Variants in GSE1 observed in about 807,000 individuals in gnomAD.
GSE1 encodes the protein Gse1 coiled-coil protein, also known as genetic suppressor element 1.
GSE1 carries 32 observed loss-of-function variants against 112.6 expected under a neutral mutation model. The observed-to-expected ratio is 0.28, with a 90% CI of 0.21 to 0.38. GSE1 has a LOEUF of 0.38. Among genes scored for constraint, GSE1 ranks in the 10% least tolerant of loss-of-function variants. The probability of loss-of-function intolerance (pLI) is 1.00; values close to 1 mark genes in which losing one functional copy is unlikely to be tolerated. For synonymous variants in GSE1, 1,115 were observed against 735.6 expected (o/e 1.52, Z -8.35); for missense variants, 2,348 against 1,699.2 (o/e 1.38, Z -6.71).
rs769749012 is a variant in GSE1 at position 85,657,305 on chromosome 16, G to T, written c.1341G>T (p.Ala447=). The change falls in exon 8 of 16, where the codon GCG becomes GCT. Residue 447 remains alanine, a synonymous_variant. Transcript: ENST00000253458. ...AEKLKDAGLQ[A]PKPVQHPLHP... is the part of the protein sequence containing the mutation. The stretch of plus-strand genomic sequence containing the variant: ...AGCTGAAGGATGCCGGCCTGCAGGC[G>T]CCCAAGCCCGTCCAACACCCCTTGC... The T allele has an allele frequency of 6.3e-7, 1 of 1,583,638 alleles. No individual in the cohort carries two copies. Among genetic ancestry groups the T allele is most frequent in the South Asian group, 1.2e-5 (1 of 86,776 alleles).
chr16:85,241,865 C>G (rs948925128), intron 1 of GSE1, among the ~76,000 whole-genome samples: 6 of 152,052 alleles, frequency 3.9e-5, no homozygotes, highest in Admixed American at 1.3e-4. Context: ...ACAATAGACC[C>G]CCTCCCCGGG....
At chr16:85,513,061 T>C (rs935341140) in intron 2 of GSE1, among the ~76,000 whole-genome samples, 6 of 152,238 alleles carry the variant, frequency 3.9e-5, no homozygotes, top group African/African-American at 1.4e-4. Flanking sequence ...ACAGCCTGAG[T>C]TTTGAGCCCT....
intron 1 of GSE1, among the ~76,000 whole-genome samples, chr16:85,180,389 C>T (rs898354729): frequency 2.0e-5 from 3 of 152,232 alleles, no homozygotes; most frequent in Admixed American, 1.3e-4. Flanking sequence ...CGCTATCCTG[C>T]CCATCATTAG....
intron 2 of GSE1, among the ~76,000 whole-genome samples, chr16:85,449,015 A>G (rs1290108878): frequency 6.6e-6 from 1 of 152,224 alleles, no homozygotes; most frequent in Non-Finnish European, 1.5e-5. Flanking sequence ...GAGGCCTCTC[A>G]GGCGTCAATA....
rs1431306481 is a variant in GSE1, at chr16:85,648,494, G to GCACTGCACGTGGCTGT, written c.227-51_227-36dup. On this transcript the variant is annotated intron_variant, in intron 2 of 15. Transcript: ENST00000253458. ...CAGCTGGAGCCCAGGTCCCCAGCTG[G>GCACTGCACGTGGCTGT]CACTGCACGTGGCTGTCACTGCGGC... 2.7e-5 allele frequency: 23 copies of GCACTGCACGTGGCTGT among 859,668 alleles called. No individual in the cohort carries two copies. In the African/African-American group the frequency reaches 3.3e-4, roughly 12 times the overall value. The allele number at this position is 859,668 out of a possible 1,614,324, so 53.3% of individuals were successfully genotyped here.
At chr16:85,297,259 GA>G (rs2045394440) in intron 1 of GSE1, among the ~76,000 whole-genome samples, 1 of 152,238 alleles carries the variant, frequency 6.6e-6, no homozygotes, top group Non-Finnish European at 1.5e-5. Flanking sequence ...AGTGGGCGTT[GA>G]AAATTGGGGC....
In GSE1 at chr16:85,170,936, G is replaced by A. The variant is rs2074349571; in HGVS notation, c.1412G>A (p.Gly471Asp). 5 of 985,468 alleles carry A rather than the reference G, an allele frequency of 5.1e-6. No homozygotes were observed. In the South Asian group the frequency reaches 1.9e-4, roughly 37 times the overall value. 61.0% of individuals were successfully genotyped at this position (985,468 alleles called of 1,614,324 possible). A position where few individuals can be genotyped will look rare whatever the true frequency, so the allele number is the denominator to read the frequency against. Residue 471 changes from glycine to aspartate, a missense_variant, in exon 1 of 3, where the codon GGC becomes GAC. By Grantham distance (94) the Gly-to-Asp change is moderately conservative. Coordinates refer to the GSE1 transcript ENST00000637419. The stretch of plus-strand genomic sequence containing the variant: ...GGCAGGAGGCTCCCGAGGGAAGAGG[G>A]CCTGCCCTCCGGGGCCCTGCGAGAG...
In GSE1 at chr16:85,419,520, C is replaced by T. The variant is rs140599535; in HGVS notation, c.2464+61877C>T. ...ACTCGGGAGGCTGAGGTGGGAGGAT[C>T]GCCTGACCCTGGGAAATCGAGGCTG... is the stretch of plus-strand genomic sequence containing the variant. On this transcript the variant is annotated intron_variant, in intron 2 of 2. Coordinates refer to the GSE1 transcript ENST00000637419. This position sits in a 1 kb window ranked among gnomAD's most constrained non-coding sequence, Gnocchi z 6.5. Among the ~76,000 whole-genome samples the T allele has an allele frequency of 2.9e-3, 436 of 151,646 alleles. 2 individuals carry two copies. Among genetic ancestry groups the T allele is most frequent in the African/African-American group, 9.7e-3 (401 of 41,294 alleles).
intron 2 of GSE1, among the ~76,000 whole-genome samples, chr16:85,427,150 C>G (rs8064060): frequency 0.55 from 83,770 of 151,954 alleles, 26,121 homozygotes; most frequent in Non-Finnish European, 0.71. Context: ...GGGAGTGGGA[C>G]AGCAGCTGCC....
At chr16:85,535,761 C>G (rs1437355294) in intron 2 of GSE1, among the ~76,000 whole-genome samples, 1 of 152,224 alleles carries the variant, frequency 6.6e-6, no homozygotes, top group East Asian at 1.9e-4. Context: ...CCAATGGGAA[C>G]CATTTTTCCA....
chr16:85,557,317 C>G (rs1446574132), intron 1 of GSE1, among the ~76,000 whole-genome samples: 2 of 152,088 alleles, frequency 1.3e-5, no homozygotes, highest in African/African-American at 4.8e-5. Flanking sequence ...ACTGCTGGTT[C>G]TAGGAATGAG....
At chr16:85,612,487 C>G (rs1351778993), upstream of GSE1, among the ~76,000 whole-genome samples, 1 of 152,118 alleles carries the variant, frequency 6.6e-6, no homozygotes. Context: ...GACCGCAACC[C>G]CAGCTACTTA....
At chr16:85,399,567 G>A (rs555964685) in intron 2 of GSE1, among the ~76,000 whole-genome samples, 4 of 152,234 alleles carry the variant, frequency 2.6e-5, no homozygotes, top group Admixed American at 6.5e-5. Flanking sequence ...TGGGTAAACC[G>A]ACCAGTTTCC....
chr16:85,642,429 G>A (rs774748556), intron 2 of GSE1, among the ~76,000 whole-genome samples: 10 of 152,168 alleles, frequency 6.6e-5, no homozygotes, highest in Non-Finnish European at 1.0e-4. Flanking sequence ...CACCCTGGCC[G>A]GCACCTGCCC....
chr16:85,621,930 A>G (rs1180888861), intron 1 of GSE1, among the ~76,000 whole-genome samples: 1 of 152,048 alleles, frequency 6.6e-6, no homozygotes, highest in East Asian at 1.9e-4. Flanking sequence ...ACTACTTCTC[A>G]TGGCGCAACA....
At chr16:85,628,682 G>A (rs1221068953) in intron 1 of GSE1, among the ~76,000 whole-genome samples, 1 of 152,186 alleles carries the variant, frequency 6.6e-6, no homozygotes, top group Non-Finnish European at 1.5e-5. Flanking sequence ...CCGTCGAGCC[G>A]CCATCCCTTT....
chr16:85,613,155 A>G, upstream of GSE1: 4 of 1,301,622 alleles, frequency 3.1e-6, no homozygotes, highest in East Asian at 1.3e-4. Flanking sequence ...CCGCTGGCTG[A>G]GGTCAGGGAG....
chr16:85,571,286 G>A (rs997912655), intron 1 of GSE1, among the ~76,000 whole-genome samples: 3 of 152,210 alleles, frequency 2.0e-5, no homozygotes, highest in Non-Finnish European at 1.5e-5. Context: ...GACCTGCACC[G>A]CCTAATGTGG....
At chr16:85,195,489 C>G (rs200667320) in intron 1 of GSE1, among the ~76,000 whole-genome samples, 1 of 152,164 alleles carries the variant, frequency 6.6e-6, no homozygotes, top group Non-Finnish European at 1.5e-5. Context: ...CCTCGAGTCA[C>G]GCAGGGGATG....
Sources: gnomAD v4.1 joint callset for allele counts (sites outside exome capture counted in the v4.1 genomes callset) on GRCh38, gnomAD v4.1.1 for gene constraint, Gnocchi (gnomAD v3.1) non-coding constraint, MANE v1.5 for transcripts, NCBI Gene and HGNC (gene_info 2026-07-23, HGNC 2026-07-21) for gene names.